The following ZNF667 variants were observed in gnomAD, a reference collection of about 807,000 sequenced individuals.
ZNF667 encodes myocardial ischemic preconditioning upregulated 1 ortholog.
Under a neutral mutation model 31.8 loss-of-function variants are expected in ZNF667, and 13 were observed. That is an observed-to-expected ratio of 0.41 (90% CI 0.27 to 0.65). The LOEUF (loss-of-function observed/expected upper bound fraction) is 0.65, where lower values mean the gene tolerates loss of function less well. ZNF667 is among the 30% of genes least tolerant of loss of function. The pLI is 0.32. For synonymous variants in ZNF667, 228 were observed against 247.1 expected (o/e 0.92, Z 0.73); for missense variants, 642 against 725.6 (o/e 0.88, Z 1.32).
rs568473247 is a variant in ZNF667 at position 56,450,067 on chromosome 19, G to A, written c.254-7326C>T. On this transcript the variant is annotated intron_variant, in intron 6 of 6. Transcript: ENST00000504904. ...GGGGTAGAAAGTGTATTCCGAGATA[G>A]TAACAGAGAACTTTCCAAACCTGGA... is the stretch of plus-strand genomic sequence containing the variant. Among the ~76,000 whole-genome samples the A allele has an allele frequency of 3.7e-4, 57 of 152,090 alleles. No homozygotes were observed. The South Asian group carries it at 0.011, about 29-fold the overall frequency.
chr19:56,461,860 T>C (rs1165486999), intron 4 of ZNF667, among the ~76,000 whole-genome samples: 1 of 152,234 alleles, frequency 6.6e-6, no homozygotes, highest in Non-Finnish European at 1.5e-5. Context: ...TGGTGCCTTT[T>C]AGTCTTGGGA....
intron 3 of ZNF667, among the ~76,000 whole-genome samples, chr19:56,464,319 C>A (rs1037429647): frequency 3.3e-5 from 5 of 152,102 alleles, no homozygotes; most frequent in African/African-American, 1.2e-4. Flanking sequence ...TGTAGTGAGA[C>A]CCTGTCTCTA....
At chr19:56,464,254 G>C (rs1367597374) in intron 3 of ZNF667, among the ~76,000 whole-genome samples, 1 of 152,228 alleles carries the variant, frequency 6.6e-6, no homozygotes, top group Non-Finnish European at 1.5e-5. Flanking sequence ...CCAATGCTTT[G>C]AGGCTGATGC....
At chr19:56,446,015 A>G (rs2042702294) in intron 6 of ZNF667, among the ~76,000 whole-genome samples, 2 of 152,166 alleles carry the variant, frequency 1.3e-5, no homozygotes, top group South Asian at 4.1e-4. Flanking sequence ...TTTCAACATG[A>G]GATTTGGTGG....
intron 2 of ZNF667, chr19:56,472,932 G>C (rs1234589616): frequency 3.3e-5 from 5 of 152,180 alleles, no homozygotes; most frequent in East Asian, 3.9e-4. Flanking sequence ...CCACTAAAAA[G>C]GCTGAGATTA....
chr19:56,449,335 G>T (rs540678943), intron 6 of ZNF667: 14 of 389,292 alleles, frequency 3.6e-5, no homozygotes, highest in Non-Finnish European at 6.0e-5. Flanking sequence ...ACAGTGACCA[G>T]TTCTGGAGTG....
intron 6 of ZNF667, among the ~76,000 whole-genome samples, chr19:56,453,519 G>T (rs962225335): frequency 7.2e-5 from 11 of 152,250 alleles, no homozygotes; most frequent in African/African-American, 2.2e-4. Context: ...TTAATCCCAG[G>T]AATGCCTGGA....
chr19:56,449,341 G>T, intron 6 of ZNF667: 1 of 384,440 alleles, frequency 2.6e-6, no homozygotes, highest in South Asian at 2.0e-5. Flanking sequence ...ACCAGTTCTG[G>T]AGTGACAGAG....
intron 6 of ZNF667, among the ~76,000 whole-genome samples, chr19:56,447,099 TAAAAAG>T (rs1489752139): frequency 2.6e-5 from 4 of 151,360 alleles, no homozygotes; most frequent in African/African-American, 7.3e-5. Context: ...ACTATGGAAA[TAAAAAG>T]AAAAATTATA....
chr19:56,457,947 T>C (rs1363991991), intron 6 of ZNF667, among the ~76,000 whole-genome samples: 2 of 152,194 alleles, frequency 1.3e-5, no homozygotes, highest in African/African-American at 4.8e-5. Flanking sequence ...CCTTCCTCCA[T>C]GTGCAGACAC....
intron 6 of ZNF667, among the ~76,000 whole-genome samples, chr19:56,447,544 C>T (rs534549839): frequency 6.6e-6 from 1 of 152,110 alleles, no homozygotes; most frequent in African/African-American, 2.4e-5. Context: ...ATGACTGCAC[C>T]ACTACACTCC....
chr19:56,451,176 C>CAGCT (rs1348922263), intron 6 of ZNF667, among the ~76,000 whole-genome samples: 2 of 151,768 alleles, frequency 1.3e-5, no homozygotes, highest in Non-Finnish European at 2.9e-5. Flanking sequence ...AGAGCAGGAG[C>CAGCT]AGCTATATTT....
chr19:56,442,282 T>C lies in ZNF667; in HGVS notation c.713A>G (p.Gln238Arg). ...AATTTTCTGATGTATATTGAAAGAC[T>C]GACATTGACTCAAGGCCTTCCCACA... is the stretch of plus-strand genomic sequence containing the variant. ...LDCGKALSQC[Q>R]SFNIHQKIHV... Residue 238 changes from glutamine (Q) to arginine (R), a missense_variant, in exon 7 of 7, where the codon CAG becomes CGG. By Grantham distance (43) the Gln-to-Arg change is conservative. Coordinates refer to ENST00000504904, the MANE Select transcript of ZNF667 (RefSeq NM_001321356.2). The C allele has an allele frequency of 6.2e-7, 1 of 1,614,158 alleles. No homozygotes were observed. The highest frequency in any genetic ancestry group is 1.1e-5 in the South Asian group (1 of 91,078).
intron 6 of ZNF667, among the ~76,000 whole-genome samples, chr19:56,455,444 A>T (rs1339255120): frequency 6.6e-6 from 1 of 152,204 alleles, no homozygotes; most frequent in Admixed American, 6.5e-5. Flanking sequence ...TTTAGCCATA[A>T]AAAAGGATGA....
At chr19:56,467,242 C>A (rs1359452864) in intron 3 of ZNF667, among the ~76,000 whole-genome samples, 1 of 152,016 alleles carries the variant, frequency 6.6e-6, no homozygotes, top group African/African-American at 2.4e-5. Context: ...CTGTGGTAGA[C>A]CAGAGTTATG....
chr19:56,468,822 G>A (rs144124140), intron 3 of ZNF667: 1 of 152,362 alleles, frequency 6.6e-6, no homozygotes, highest in East Asian at 1.9e-4. Flanking sequence ...ATAAAACGGA[G>A]GCAGGAGGAT....
Position 56,443,015 on chromosome 19 carries a change from G to A in ZNF667, c.254-274C>T, listed in dbSNP as rs372352751. On this transcript the variant is annotated intron_variant, in intron 6 of 6. Coordinates refer to ENST00000504904, the MANE Select transcript of ZNF667 (RefSeq NM_001321356.2). Reference sequence around the variant, plus strand: ...ATATACGGCACATTGAACTCCACAGGTTGTTCAATGGATAAATGTATGTTT... The same window carrying A: ...ATATACGGCACATTGAACTCCACAGATTGTTCAATGGATAAATGTATGTTT... Among the ~76,000 whole-genome samples the A allele has an allele frequency of 3.9e-5, 6 of 152,226 alleles. No individual in the cohort carries two copies. In the East Asian group the frequency reaches 9.6e-4, roughly 24 times the overall value.
At chr19:56,450,122 G>T (rs777661256) in intron 6 of ZNF667, among the ~76,000 whole-genome samples, 1 of 151,966 alleles carries the variant, frequency 6.6e-6, no homozygotes, top group African/African-American at 2.4e-5. Context: ...GTACAAGGAG[G>T]TTATAGAACA....
rs544600917 is a variant in ZNF667, at chr19:56,449,287, G to A, written c.254-6546C>T. 676 of 439,642 alleles carry A rather than the reference G, an allele frequency of 1.5e-3. 1 individual carries two copies. Among genetic ancestry groups the A allele is most frequent in the Non-Finnish European group, 2.6e-3 (564 of 220,686 alleles). 27.2% of individuals were successfully genotyped at this position (439,642 alleles called of 1,614,324 possible). On this transcript the variant is annotated intron_variant, in intron 6 of 6. Coordinates refer to ENST00000504904, the MANE Select transcript of ZNF667 (RefSeq NM_001321356.2). ...ACATCCATAAGCATCAAGACCATCC[G>A]GGAAAACATGACCTCACCAAATGAA...
Sources: allele counts gnomAD v4.1 joint callset (sites outside exome capture counted in the v4.1 genomes callset), GRCh38; gene constraint gnomAD v4.1.1; transcripts MANE v1.5; gene names NCBI Gene and HGNC (gene_info 2026-07-23, HGNC 2026-07-21).